Variants in NCOA6 observed in about 807,000 individuals in gnomAD.
NCOA6 encodes the protein nuclear receptor coactivator 6.
In NCOA6, 49 loss-of-function variants were observed where a neutral mutation model predicts 171.4. The observed-to-expected ratio is 0.29, with a 90% CI of 0.23 to 0.36. NCOA6 has a LOEUF of 0.36. NCOA6 is among the 10% of genes least tolerant of loss of function. The probability of loss-of-function intolerance (pLI) is 1.00; values close to 1 mark genes in which losing one functional copy is unlikely to be tolerated. For missense variants in NCOA6, 2,248 were observed against 2,554.5 expected, an observed-to-expected ratio of 0.88 and a Z score of 2.59; for synonymous variants, 910 against 927.5, an observed-to-expected ratio of 0.98 and a Z score of 0.34.
chr20:34,810,045 C>A (rs1417654356), intron 1 of NCOA6, among the ~76,000 whole-genome samples: 3 of 152,206 alleles, frequency 2.0e-5, no homozygotes, highest in African/African-American at 4.8e-5. Flanking sequence ...AGCTTATAAT[C>A]ATCAAAGAGG....
At chr20:34,719,857 G>A (rs1260804014) in intron 14 of NCOA6, among the ~76,000 whole-genome samples, 6 of 152,112 alleles carry the variant, frequency 3.9e-5, no homozygotes, top group African/African-American at 1.4e-4. Context: ...ACTCTTCAGG[G>A]TTTTCTCCCA....
At chr20:34,740,309 G>A in intron 11 of NCOA6, 54 bp downstream of exon 11, 1 of 1,565,250 alleles carries the variant, frequency 6.4e-7, no homozygotes, top group Non-Finnish European at 8.7e-7. Flanking sequence ...TCTCTTGTGG[G>A]ATTAGGTCAT....
At chr20:34,750,579 G>T in intron 8 of NCOA6, 60 bp from the exon 9 acceptor site, 1 of 1,466,796 alleles carries the variant, frequency 6.8e-7, no homozygotes, top group East Asian at 2.4e-5. Flanking sequence ...TTGGTATTAA[G>T]ATACTCAAGT....
chr20:34,809,612 AT>A (rs2078584711), intron 1 of NCOA6: 2 of 393,478 alleles, frequency 5.1e-6, no homozygotes, highest in Admixed American at 4.4e-5. Flanking sequence ...TTCAAAATAA[AT>A]TTTTGTGATT....
chr20:34,823,816 C>T (rs1250051041), intron 1 of NCOA6, among the ~76,000 whole-genome samples: 4 of 152,174 alleles, frequency 2.6e-5, no homozygotes, highest in Admixed American at 1.3e-4. Flanking sequence ...GATCCTCCCA[C>T]CTCAGCCTCC....
chr20:34,795,168 C>A (rs1010438222), intron 1 of NCOA6, among the ~76,000 whole-genome samples: 1 of 152,158 alleles, frequency 6.6e-6, no homozygotes, highest in Non-Finnish European at 1.5e-5. Flanking sequence ...CAGGCAAGGA[C>A]GATCACAGGT....
rs1195016958 is a variant in NCOA6 at position 34,738,781 on chromosome 20, A to G, written c.5893+1582T>C. 2.8e-5 allele frequency: 12 copies of G among 422,562 alleles called. No individual in the cohort carries two copies. In the East Asian group the frequency reaches 8.8e-4, roughly 31 times the overall value. 26.2% of individuals were successfully genotyped at this position (422,562 alleles called of 1,614,324 possible). A position where few individuals can be genotyped will look rare whatever the true frequency, so the allele number is the denominator to read the frequency against. On this transcript the variant is annotated intron_variant, in intron 11 of 14. Coordinates refer to ENST00000359003, the MANE Select transcript of NCOA6 (RefSeq NM_014071.5). ...ACGATCTCCATTTTACAAGTGAAAT[A>G]CATGGCTTAGGAGAGGTTAAGGAAC... is the stretch of plus-strand genomic sequence containing the variant.
intron 2 of NCOA6, among the ~76,000 whole-genome samples, chr20:34,787,248 G>A (rs1425987475): frequency 6.6e-6 from 1 of 152,074 alleles, no homozygotes; most frequent in Non-Finnish European, 1.5e-5. Context: ...AATAGGCCAG[G>A]TGTGGTGGTT....
chr20:34,791,725 A>T (rs960965349), intron 2 of NCOA6, among the ~76,000 whole-genome samples: 1 of 152,218 alleles, frequency 6.6e-6, no homozygotes, highest in Non-Finnish European at 1.5e-5. Flanking sequence ...AGTCACTTCA[A>T]CAAACTGAGA....
chr20:34,753,082 G>T (rs546037276), intron 8 of NCOA6, among the ~76,000 whole-genome samples: 2 of 148,704 alleles, frequency 1.3e-5, no homozygotes, highest in Non-Finnish European at 3.0e-5. Context: ...TCTCTCTGTC[G>T]CCCAGGCTGG....
chr20:34,759,331 C>T (rs999427591), intron 5 of NCOA6, among the ~76,000 whole-genome samples: 1 of 152,158 alleles, frequency 6.6e-6, no homozygotes, highest in African/African-American at 2.4e-5. Context: ...TGAGCTACTG[C>T]ACCCGGCCTG....
At chr20:34,777,452 T>C (rs2077364753) in intron 3 of NCOA6, among the ~76,000 whole-genome samples, 1 of 151,710 alleles carries the variant, frequency 6.6e-6, no homozygotes, top group Non-Finnish European at 1.5e-5. Flanking sequence ...CCGTCTCTAC[T>C]AAAAATACAA....
At chr20:34,795,059 G>A (rs531076935) in intron 1 of NCOA6, among the ~76,000 whole-genome samples, 9 of 152,178 alleles carry the variant, frequency 5.9e-5, no homozygotes, top group South Asian at 2.1e-4. Flanking sequence ...TCGGTAGAGC[G>A]GCAAAGCTCT....
intron 13 of NCOA6, among the ~76,000 whole-genome samples, chr20:34,732,060 C>T (rs1336958276): frequency 6.6e-6 from 1 of 152,170 alleles, no homozygotes; most frequent in Non-Finnish European, 1.5e-5. Context: ...TAATATTCCT[C>T]TCCACAGAGC....
chr20:34,799,922 T>C (rs898866701), intron 1 of NCOA6, among the ~76,000 whole-genome samples: 11 of 152,172 alleles, frequency 7.2e-5, no homozygotes, highest in African/African-American at 2.7e-4. Context: ...TCACTGGTAA[T>C]AGTAAGTACA....
intron 14 of NCOA6, among the ~76,000 whole-genome samples, chr20:34,718,044 C>T (rs1988818138): frequency 6.6e-6 from 1 of 152,046 alleles, no homozygotes; most frequent in African/African-American, 2.4e-5. Flanking sequence ...TGGTAGGTTG[C>T]CTCTGAGCGT....
chr20:34,725,985 G>A (rs1052270330), intron 14 of NCOA6, among the ~76,000 whole-genome samples: 7 of 152,164 alleles, frequency 4.6e-5, no homozygotes, highest in Non-Finnish European at 2.9e-5. Context: ...GAGAAAATAC[G>A]AATTTGAAGA....
intron 3 of NCOA6, among the ~76,000 whole-genome samples, chr20:34,781,036 G>A (rs1219590801): frequency 3.9e-5 from 6 of 152,146 alleles, no homozygotes; most frequent in Non-Finnish European, 8.8e-5. Flanking sequence ...AATTAATGAA[G>A]AGCAATGAAC....
intron 1 of NCOA6, among the ~76,000 whole-genome samples, chr20:34,822,254 C>T (rs1024320722): frequency 1.3e-5 from 2 of 152,178 alleles, no homozygotes; most frequent in South Asian, 2.1e-4. Context: ...GAATGCCTCT[C>T]TCAGCTAAGG....
Sources: allele counts gnomAD v4.1 joint callset (sites outside exome capture counted in the v4.1 genomes callset), GRCh38; gene constraint gnomAD v4.1.1; transcripts MANE v1.5; gene names NCBI Gene and HGNC (gene_info 2026-07-23, HGNC 2026-07-21).